Variants in HEXB observed in about 807,000 individuals in gnomAD.
The protein encoded by HEXB is hexosaminidase subunit beta, also known as beta-hexosaminidase subunit beta.
HEXB carries 51 observed loss-of-function variants against 71.2 expected under a neutral mutation model. The ratio of observed to expected loss-of-function variants is 0.72; its 90% CI spans 0.57 to 0.90. The LOEUF is 0.90. HEXB is among the 40% of genes least tolerant of loss of function. The probability of loss-of-function intolerance (pLI) is 0.00; values close to 1 mark genes in which losing one functional copy is unlikely to be tolerated. For missense variants in HEXB, 617 were observed against 677.0 expected (o/e 0.91, Z 0.98); for synonymous variants, 266 against 249.3 (o/e 1.07, Z -0.63).
intron 5 of HEXB, among the ~76,000 whole-genome samples, chr5:74,698,555 C>A (rs1173174474): frequency 1.3e-5 from 2 of 151,678 alleles, no homozygotes. Flanking sequence ...CCACACCCAG[C>A]TAATTTTTGT....
At chr5:74,707,016 G>A (rs1749413142) in intron 6 of HEXB, among the ~76,000 whole-genome samples, 1 of 152,280 alleles carries the variant, frequency 6.6e-6, no homozygotes, top group South Asian at 2.1e-4. Context: ...CCTGATCCCT[G>A]AGCAGCCTAA....
chr5:74,653,568 T>A (rs192836513), intron 1 of HEXB, among the ~76,000 whole-genome samples: 27 of 152,320 alleles, frequency 1.8e-4, no homozygotes, highest in Non-Finnish European at 1.2e-4. Context: ...ATTAAATACA[T>A]CCTCTCTCTT....
chr5:74,663,967 A>C (rs913630289), intron 1 of HEXB, among the ~76,000 whole-genome samples: 2 of 151,904 alleles, frequency 1.3e-5, no homozygotes, highest in African/African-American at 4.8e-5. Context: ...ATCTACAAAA[A>C]ACTTTAGGCC....
At chr5:74,651,129 C>G (rs1388500636) in intron 1 of HEXB, among the ~76,000 whole-genome samples, 1 of 152,086 alleles carries the variant, frequency 6.6e-6, no homozygotes, top group East Asian at 1.9e-4. Context: ...TTGTGATGCT[C>G]AGGTATCCCT....
At chr5:74,680,069 A>G (rs1464998385) in intron 1 of HEXB, among the ~76,000 whole-genome samples, 1 of 152,196 alleles carries the variant, frequency 6.6e-6, no homozygotes, top group Non-Finnish European at 1.5e-5. Flanking sequence ...TAATGGCATG[A>G]ACTTCAGTAA....
intron 7 of HEXB, 102 bp downstream of exon 7, chr5:74,713,737 C>T: frequency 1.1e-6 from 1 of 915,088 alleles, no homozygotes; most frequent in Non-Finnish European, 1.8e-6. Context: ...AATCTCGGCT[C>T]ACTGCAACCT....
chr5:74,676,487 G>A (rs763060925), intron 1 of HEXB, among the ~76,000 whole-genome samples: 2 of 152,228 alleles, frequency 1.3e-5, no homozygotes, highest in South Asian at 2.1e-4. Flanking sequence ...GCAAGAAGGG[G>A]CTGGGTGCAG....
intron 5 of HEXB, among the ~76,000 whole-genome samples, chr5:74,700,001 CTTTTTTTT>C (rs58177670): frequency 2.5e-5 from 1 of 40,368 alleles, no homozygotes; most frequent in African/African-American, 9.9e-5. Context: ...TGTAAGTTTC[CTTTTTTTT>C]TTTTTTTTTT....
chr5:74,696,578 C>A, intron 3 of HEXB, 115 bp from the exon 4 acceptor site: 1 of 655,160 alleles, frequency 1.5e-6, no homozygotes, highest in Non-Finnish European at 2.8e-6. Context: ...AGAGGTATAA[C>A]ACTATATTCA....
At position 74,693,620 on chromosome 5, in the gene HEXB, T is replaced by C; in HGVS notation, c.446-19T>C. ...GGGATTAACAAAAGTGTGTGTGTGA[T>C]TTTAAATCCTCAATACAGATACTTT... is the stretch of plus-strand genomic sequence containing the variant. On this transcript the variant is annotated intron_variant, in intron 2 of 13. Transcript: ENST00000261416. 1 of 1,579,882 alleles carries C rather than the reference T, an allele frequency of 6.3e-7. No individual in the cohort carries two copies. The highest frequency in any genetic ancestry group is 8.7e-7 in the Non-Finnish European group (1 of 1,148,738).
intron 5 of HEXB, 127 bp from the exon 6 acceptor site, chr5:74,705,092 A>C (rs891961326): frequency 3.3e-3 from 16 of 4,858 alleles, no homozygotes; most frequent in African/African-American, 7.3e-3. Context: ...ACCCTGTCTC[A>C]AAAAAAAAAA....
intron 11 of HEXB, chr5:74,719,954 A>AAAAAAAC (rs71600437): frequency 2.5e-5 from 4 of 158,422 alleles, no homozygotes; most frequent in Non-Finnish European, 2.7e-5. Flanking sequence ...AAAAAAAAAA[A>AAAAAAAC]ACACACACAT....
At position 74,685,516 on chromosome 5, in the gene HEXB, A is replaced by G; in HGVS notation, c.256A>G (p.Thr86Ala). 1 of 1,600,496 alleles carries G rather than the reference A, an allele frequency of 6.2e-7. No individual in the cohort carries two copies. The highest frequency in any genetic ancestry group is 1.1e-5 in the South Asian group (1 of 89,870). ...NFYISHSPNSTAGPSCTLLEE... is the reference protein window; with the variant it reads ...NFYISHSPNSAAGPSCTLLEE... ...CTACATCAGCCACAGCCCCAATTCC[A>G]CGGCGGGCCCCTCCTGCACCCTGCT... is the stretch of plus-strand genomic sequence containing the variant. Residue 86 changes from threonine (T) to alanine (A), a missense_variant, in exon 1 of 14, where the codon ACG becomes GCG. Coordinates refer to ENST00000261416, the MANE Select transcript of HEXB (RefSeq NM_000521.4).
At chr5:74,669,425 A>G (rs1748492817) in intron 1 of HEXB, among the ~76,000 whole-genome samples, 2 of 152,282 alleles carry the variant, frequency 1.3e-5, no homozygotes, top group South Asian at 4.1e-4. Flanking sequence ...AACTTACCTT[A>G]TCAATAAATC....
chr5:74,641,343 CAA>C lies in HEXB; in HGVS notation c.-377+787_-377+788del, dbSNP rs1747877046. 6.6e-6 allele frequency: 1 copy of C among 152,412 alleles called. No individual in the cohort carries two copies. 9.4% of individuals were successfully genotyped at this position (152,412 alleles called of 1,614,324 possible). On this transcript the variant is annotated intron_variant, in intron 1 of 13. Transcript: ENST00000511181. The surrounding 1 kb of genome is among the most constrained non-coding windows in gnomAD (Gnocchi z 4.1). ...TTTAAGTTTCTTGCTGGCAGAGAGC[CAA>C]AGAGACTCCAGCCCCAGGCATTTCC...
At chr5:74,703,030 G>A (rs982451712) in intron 5 of HEXB, among the ~76,000 whole-genome samples, 2 of 152,202 alleles carry the variant, frequency 1.3e-5, no homozygotes, top group Non-Finnish European at 1.5e-5. Context: ...TCAGCTCACT[G>A]CAACCTCTGC....
intron 11 of HEXB, among the ~76,000 whole-genome samples, chr5:74,719,186 T>C (rs559679614): frequency 6.6e-6 from 1 of 152,308 alleles, no homozygotes; most frequent in African/African-American, 2.4e-5. Context: ...CAAGAAACCA[T>C]ACAGTTGCCT....
intron 6 of HEXB, chr5:74,705,674 C>T: frequency 4.0e-6 from 1 of 252,346 alleles, no homozygotes; most frequent in East Asian, 9.9e-5. Context: ...TTTGGAAATC[C>T]ATAAATGACT....
chr5:74,670,186 G>GT (rs984853499), intron 1 of HEXB, among the ~76,000 whole-genome samples: 7 of 150,210 alleles, frequency 4.7e-5, no homozygotes, highest in South Asian at 2.1e-4. Context: ...TCCCTAACTG[G>GT]TTTTTTTTGT....
Sources: allele counts gnomAD v4.1 joint callset (sites outside exome capture counted in the v4.1 genomes callset), GRCh38; gene constraint gnomAD v4.1.1; non-coding constraint Gnocchi (gnomAD v3.1); transcripts MANE v1.5; gene names NCBI Gene and HGNC (gene_info 2026-07-23, HGNC 2026-07-21).